Variants in PIEZO2 observed in about 807,000 individuals in gnomAD.
PIEZO2 encodes the protein piezo-type mechanosensitive ion channel component 2.
PIEZO2 carries 172 observed loss-of-function variants against 337.3 expected under a neutral mutation model. The observed-to-expected ratio is 0.51, with a 90% CI of 0.45 to 0.58. The LOEUF (loss-of-function observed/expected upper bound fraction) is 0.58. Among genes scored for constraint, PIEZO2 ranks in the 20% least tolerant of loss-of-function variants. The probability of loss-of-function intolerance (pLI) is 0.00; values close to 1 mark genes in which losing one functional copy is unlikely to be tolerated. For missense variants in PIEZO2, 3,028 were observed against 3,391.3 expected, an observed-to-expected ratio of 0.89 and a Z score of 2.66; for synonymous variants, 1,251 against 1,228.5, an observed-to-expected ratio of 1.02 and a Z score of -0.38.
rs2041805087 is a variant in PIEZO2 at position 10,859,086 on chromosome 18, G to A, written c.493-1875C>T. ...CAGGGAGGTCGAATAGGGTGATGTG[G>A]TAGTGATAAACTGGGTGGCTGTTTC... On this transcript the variant is annotated intron_variant, in intron 5 of 55. Coordinates refer to ENST00000674853, the MANE Select transcript of PIEZO2 (RefSeq NM_001378183.1). The surrounding 1 kb of genome is among the most constrained non-coding windows in gnomAD (Gnocchi z 4.9). 6.6e-6 allele frequency among the ~76,000 whole-genome samples: 1 copy of A among 152,148 alleles called. No homozygotes were observed. The highest frequency in any genetic ancestry group is 2.4e-5 in the African/African-American group (1 of 41,428).
intron 33 of PIEZO2, chr18:10,739,821 T>A (rs1047830157): frequency 3.9e-5 from 6 of 152,100 alleles, no homozygotes; most frequent in Middle Eastern, 3.2e-3. Flanking sequence ...TAAATTTGAT[T>A]ACATCCAGAT....
At chr18:10,764,801 A>G (rs894725759) in intron 21 of PIEZO2, among the ~76,000 whole-genome samples, 1 of 152,216 alleles carries the variant, frequency 6.6e-6, no homozygotes, top group African/African-American at 2.4e-5. Context: ...AATACTGTAC[A>G]TGGAAAGGCC....
rs2039671554 is a variant in PIEZO2 at position 11,109,633 on chromosome 18, G to GT, written c.64+38891dup. On this transcript the variant is annotated intron_variant, in intron 1 of 55. Coordinates refer to ENST00000674853, the MANE Select transcript of PIEZO2 (RefSeq NM_001378183.1). The surrounding 1 kb of genome is among the most constrained non-coding windows in gnomAD (Gnocchi z 5.1). ...CACCGGAGGCTGAGGCAAGAGAATT[G>GT]TTTGAGCCTGGGAGGTGGAGGTTGC... 5.9e-5 allele frequency among the ~76,000 whole-genome samples: 9 copies of GT among 152,052 alleles called. 1 individual carries two copies. Among genetic ancestry groups the GT allele is most frequent in the Admixed American group, 5.9e-4 (9 of 15,280 alleles).
chr18:11,027,936 C>T lies in PIEZO2; in HGVS notation c.160+38191G>A, dbSNP rs892141521. 2.6e-5 allele frequency among the ~76,000 whole-genome samples: 4 copies of T among 152,222 alleles called. No homozygotes were observed. Among genetic ancestry groups the T allele is most frequent in the African/African-American group, 4.8e-5 (2 of 41,460 alleles). On this transcript the variant is annotated intron_variant, in intron 2 of 55. Transcript: ENST00000674853. This position sits in a 1 kb window ranked among gnomAD's most constrained non-coding sequence, Gnocchi z 4.2. ...ACTAGAAGAGCCTTCGTAGAGTACTCTTTGATAAATTCTTCAAACACTGTT... is the reference window on the plus strand; with the variant it reads ...ACTAGAAGAGCCTTCGTAGAGTACTTTTTGATAAATTCTTCAAACACTGTT...
chr18:10,883,069 C>T (rs2042469562), intron 4 of PIEZO2, among the ~76,000 whole-genome samples: 2 of 152,006 alleles, frequency 1.3e-5, no homozygotes, highest in African/African-American at 4.8e-5. Context: ...GATCTCCTGA[C>T]CTTGTGATCC....
At chr18:10,684,807 G>A (rs541799580) in intron 49 of PIEZO2, among the ~76,000 whole-genome samples, 10 of 152,064 alleles carry the variant, frequency 6.6e-5, no homozygotes, top group Admixed American at 1.3e-4. Flanking sequence ...CCTGTCCTGC[G>A]CTGCTCCGTT....
intron 52 of PIEZO2, 52 bp downstream of exon 52, chr18:10,680,147 C>T (rs1003980394): frequency 2.8e-5 from 42 of 1,481,892 alleles, no homozygotes; most frequent in Non-Finnish European, 3.8e-5. Context: ...CCCCCAACTC[C>T]ATGTTTAGAC....
chr18:11,134,659 G>T (rs921956184), intron 1 of PIEZO2, among the ~76,000 whole-genome samples: 1 of 152,160 alleles, frequency 6.6e-6, no homozygotes, highest in Non-Finnish European at 1.5e-5. Flanking sequence ...AACACTGCAC[G>T]TTGTACTAAA....
rs753667768 is a variant in PIEZO2 at position 10,672,916 on chromosome 18, T to C, written c.8162-43A>G. 49 of 1,501,860 alleles carry C rather than the reference T, an allele frequency of 3.3e-5. No individual in the cohort carries two copies. The highest frequency in any genetic ancestry group is 4.3e-5 in the Non-Finnish European group (47 of 1,095,706). The allele number at this position is 1,501,860 out of a possible 1,614,324, so 93.0% of individuals were successfully genotyped here. A position where few individuals can be genotyped will look rare whatever the true frequency, so the allele number is the denominator to read the frequency against. ...CAAAATTAAGTTGACATGAGAATTT[T>C]AGGATTTCATGCACAGCAACAGTTT... On this transcript the variant is annotated intron_variant, in intron 54 of 55. Coordinates refer to ENST00000674853, the MANE Select transcript of PIEZO2 (RefSeq NM_001378183.1). This position sits in a 1 kb window ranked among gnomAD's most constrained non-coding sequence, Gnocchi z 4.7.
chr18:10,955,597 G>C (rs1363945519), intron 3 of PIEZO2, among the ~76,000 whole-genome samples: 2 of 152,202 alleles, frequency 1.3e-5, no homozygotes, highest in Non-Finnish European at 2.9e-5. Flanking sequence ...GATATCTGCT[G>C]AAACAGGAGC....
intron 7 of PIEZO2, among the ~76,000 whole-genome samples, chr18:10,836,671 T>C (rs2041023687): frequency 6.6e-6 from 1 of 152,236 alleles, no homozygotes; most frequent in South Asian, 2.1e-4. Flanking sequence ...GATATCATTA[T>C]TATGACAATG....
intron 36 of PIEZO2, among the ~76,000 whole-genome samples, chr18:10,720,742 G>A: frequency 6.6e-6 from 1 of 151,868 alleles, no homozygotes. Flanking sequence ...ACAGCTCCTG[G>A]CTCAGTTTCC....
At chr18:10,883,428 T>A (rs1237752766) in intron 4 of PIEZO2, among the ~76,000 whole-genome samples, 1 of 152,086 alleles carries the variant, frequency 6.6e-6, no homozygotes, top group East Asian at 1.9e-4. Flanking sequence ...CACCAGCACC[T>A]CTTGTTGCTA....
At chr18:10,807,378 G>T in intron 7 of PIEZO2, 104 bp from the exon 8 acceptor site, 1 of 1,024,756 alleles carries the variant, frequency 9.8e-7, no homozygotes, top group Non-Finnish European at 1.4e-6. Flanking sequence ...GCTATTCCTA[G>T]GTTGATCCGT....
Position 10,857,839 on chromosome 18 carries a change from A to T in PIEZO2, c.493-628T>A, listed in dbSNP as rs4797489. ...AAGCAGAGATTTAGGGAGTAAACACATGTACCAGAACATATGCATATTTCC... is the reference window on the plus strand; with the variant it reads ...AAGCAGAGATTTAGGGAGTAAACACTTGTACCAGAACATATGCATATTTCC... On this transcript the variant is annotated intron_variant, in intron 5 of 55. Transcript: ENST00000674853. 4.1e-3 allele frequency among the ~76,000 whole-genome samples: 617 copies of T among 152,316 alleles called. 11 individuals carry two copies. The highest frequency in any genetic ancestry group is 0.032 in the East Asian group (165 of 5,178).
intron 49 of PIEZO2, among the ~76,000 whole-genome samples, chr18:10,686,439 G>A (rs1467682471): frequency 1.3e-5 from 2 of 152,220 alleles, no homozygotes; most frequent in East Asian, 3.8e-4. Context: ...AGAGACAAGA[G>A]AGGATGGGTG....
At chr18:10,805,296 C>T (rs2039964044) in intron 8 of PIEZO2, among the ~76,000 whole-genome samples, 1 of 152,198 alleles carries the variant, frequency 6.6e-6, no homozygotes, top group African/African-American at 2.4e-5. Context: ...AGTGAATTAC[C>T]TGAGCTCAGG....
At chr18:10,960,470 AT>A (rs746710374) in intron 3 of PIEZO2, among the ~76,000 whole-genome samples, 16 of 152,194 alleles carry the variant, frequency 1.1e-4, no homozygotes, top group Non-Finnish European at 2.2e-4. Context: ...CTCAAAAGTC[AT>A]TTATAGACAC....
chr18:10,880,158 G>A (rs187669953), intron 4 of PIEZO2, among the ~76,000 whole-genome samples: 2 of 152,272 alleles, frequency 1.3e-5, no homozygotes, highest in African/African-American at 4.8e-5. Context: ...ATATTTTCCT[G>A]TGTAGAACGA....
Sources: allele counts gnomAD v4.1 joint callset (sites outside exome capture counted in the v4.1 genomes callset), GRCh38; gene constraint gnomAD v4.1.1; non-coding constraint Gnocchi (gnomAD v3.1); transcripts MANE v1.5; gene names NCBI Gene and HGNC (gene_info 2026-07-23, HGNC 2026-07-21).